Variants in SIK3 observed in about 807,000 individuals in gnomAD.
SIK3 encodes serine/threonine-protein kinase SIK3.
In SIK3, 28 loss-of-function variants were observed where a neutral mutation model predicts 144.2. The ratio of observed to expected loss-of-function variants is 0.19; its 90% CI spans 0.14 to 0.27. The LOEUF is 0.27. SIK3 is among the 10% of genes least tolerant of loss of function. The probability of loss-of-function intolerance (pLI) is 1.00; values close to 1 mark genes in which losing one functional copy is unlikely to be tolerated. For missense variants in SIK3, 1,319 were observed against 1,776.0 expected (o/e 0.74, Z 4.62); for synonymous variants, 686 against 676.3 (o/e 1.01, Z -0.22).
chr11:117,085,572 A>C (rs1954968915), intron 1 of SIK3, among the ~76,000 whole-genome samples: 1 of 152,252 alleles, frequency 6.6e-6, no homozygotes, highest in African/African-American at 2.4e-5. Flanking sequence ...GTATAAATGC[A>C]AGATTGGTCA....
intron 6 of SIK3, among the ~76,000 whole-genome samples, chr11:116,878,599 C>T (rs747503637): frequency 4.9e-4 from 74 of 152,168 alleles, no homozygotes; most frequent in Non-Finnish European, 1.3e-4. Flanking sequence ...AGGCTGGTCT[C>T]GAACAACTGA....
At chr11:117,073,727 T>C (rs1230616171) in intron 1 of SIK3, among the ~76,000 whole-genome samples, 1 of 152,216 alleles carries the variant, frequency 6.6e-6, no homozygotes, top group Non-Finnish European at 1.5e-5. Flanking sequence ...CACACGTCCT[T>C]GTCTCTCTAC....
rs569495104 is a variant in SIK3 at position 116,991,432 on chromosome 11, G to A, written c.274-34368C>T. ...ACTGCGCTCCAGTATGGGCAATAGA[G>A]CAAGGCGCTGTCTCAAAACAAACAA... On this transcript the variant is annotated intron_variant, in intron 1 of 24. Coordinates refer to ENST00000445177, the MANE Select transcript of SIK3 (RefSeq NM_001366686.3). 9.2e-5 allele frequency among the ~76,000 whole-genome samples: 14 copies of A among 152,282 alleles called. No homozygotes were observed. The South Asian group carries it at 1.5e-3, about 16-fold the overall frequency.
intron 3 of SIK3, among the ~76,000 whole-genome samples, chr11:116,947,330 A>C (rs1009744521): frequency 4.1e-5 from 6 of 144,630 alleles, no homozygotes; most frequent in Non-Finnish European, 8.9e-5. Context: ...CAGAGAAAGG[A>C]GGCCCAGCAA....
At chr11:116,855,465 C>T (rs149462130) in intron 21 of SIK3, 3,159 of 152,350 alleles carry the variant, frequency 0.021, 46 homozygotes, top group Non-Finnish European at 0.033. Context: ...AAGGGGTCCT[C>T]TGACAATCAG....
chr11:117,066,443 ATCTT>A (rs1954021165), intron 1 of SIK3, among the ~76,000 whole-genome samples: 1 of 151,904 alleles, frequency 6.6e-6, no homozygotes, highest in Non-Finnish European at 1.5e-5. Flanking sequence ...AAAAAAAAAA[ATCTT>A]TGCAAAGCGT....
intron 6 of SIK3, among the ~76,000 whole-genome samples, chr11:116,889,306 A>G (rs1487985462): frequency 6.6e-6 from 1 of 152,228 alleles, no homozygotes; most frequent in East Asian, 1.9e-4. Context: ...GCTTCTGCCC[A>G]TAATCCCAGC....
At chr11:116,929,046 G>A (rs567234839) in intron 3 of SIK3, among the ~76,000 whole-genome samples, 38 of 152,174 alleles carry the variant, frequency 2.5e-4, no homozygotes, top group Non-Finnish European at 3.8e-4. Flanking sequence ...TTAGGCTTCC[G>A]GTGAGGTCTG....
chr11:116,934,618 A>AT (rs1947803606), intron 3 of SIK3, among the ~76,000 whole-genome samples: 1 of 152,138 alleles, frequency 6.6e-6, no homozygotes, highest in Non-Finnish European at 1.5e-5. Flanking sequence ...AACTAGAACT[A>AT]TTTTTTTCTA....
In SIK3 at chr11:116,956,800, C is replaced by T. The variant is rs149004144; in HGVS notation, c.390+148G>A. On this transcript the variant is annotated intron_variant, in intron 2 of 24. Transcript: ENST00000445177. Reference sequence around the variant, plus strand: ...ACTTGAGGATACTAAGTGCTGAGCGCGTAAACAGAAGGGTAGGAAAGATAG... The same window carrying T: ...ACTTGAGGATACTAAGTGCTGAGCGTGTAAACAGAAGGGTAGGAAAGATAG... 8.6e-4 allele frequency: 423 copies of T among 489,542 alleles called. 4 individuals carry two copies. Among genetic ancestry groups the T allele is most frequent in the African/African-American group, 7.3e-3 (373 of 51,028 alleles). 30.3% of individuals were successfully genotyped at this position (489,542 alleles called of 1,614,324 possible).
At chr11:116,919,797 T>C (rs1274458929) in intron 4 of SIK3, among the ~76,000 whole-genome samples, 1 of 152,256 alleles carries the variant, frequency 6.6e-6, no homozygotes. Flanking sequence ...TCTTTATTTC[T>C]AAACATATCT....
intron 1 of SIK3, among the ~76,000 whole-genome samples, chr11:117,000,076 T>G (rs1950798698): frequency 6.6e-6 from 1 of 152,248 alleles, no homozygotes; most frequent in South Asian, 2.1e-4. Flanking sequence ...ATATTAGATA[T>G]GTATATTAGA....
intron 21 of SIK3, chr11:116,857,216 C>G (rs192240418): frequency 7.2e-5 from 11 of 153,770 alleles, no homozygotes; most frequent in African/African-American, 2.4e-4. Flanking sequence ...ATGCACTGAA[C>G]TCAAACATTT....
At chr11:116,897,036 A>G (rs2134770532) in intron 5 of SIK3, among the ~76,000 whole-genome samples, 157 bp downstream of exon 5, 1 of 152,140 alleles carries the variant, frequency 6.6e-6, no homozygotes, top group African/African-American at 2.4e-5. Flanking sequence ...CAAAAAAAAA[A>G]AAAAAAAAAG....
intron 1 of SIK3, among the ~76,000 whole-genome samples, chr11:117,032,674 CTTTTTT>C (rs11300316): frequency 7.2e-6 from 1 of 139,856 alleles, no homozygotes; most frequent in Non-Finnish European, 1.6e-5. Context: ...CCCACCTTTT[CTTTTTT>C]TTTTTTTTTT....
In SIK3 at chr11:117,056,550, T is replaced by C. The variant is rs1038864382; in HGVS notation, c.273+41593A>G. 1.7e-4 allele frequency among the ~76,000 whole-genome samples: 18 copies of C among 105,208 alleles called. 1 individual carries two copies. The highest frequency in any genetic ancestry group is 1.3e-3 in the Admixed American group (14 of 10,378). 69.0% of individuals were successfully genotyped at this position (105,208 alleles called of 152,430 possible). On this transcript the variant is annotated intron_variant, in intron 1 of 24. Coordinates refer to ENST00000445177, the MANE Select transcript of SIK3 (RefSeq NM_001366686.3). ...AAAAATATATAGATAGATATAGATATAGATATAGATATAGATATAGATATA... is the reference window on the plus strand; with the variant it reads ...AAAAATATATAGATAGATATAGATACAGATATAGATATAGATATAGATATA...
intron 1 of SIK3, among the ~76,000 whole-genome samples, chr11:117,052,398 G>T (rs1472746973): frequency 6.6e-6 from 1 of 152,142 alleles, no homozygotes; most frequent in Non-Finnish European, 1.5e-5. Flanking sequence ...GGCATGGTGG[G>T]GTGTTAAGGG....
chr11:116,919,604 A>G (rs1946850870), intron 4 of SIK3, among the ~76,000 whole-genome samples: 1 of 152,234 alleles, frequency 6.6e-6, no homozygotes, highest in Non-Finnish European at 1.5e-5. Flanking sequence ...ACTTTTCTTC[A>G]GGGAGTAAGC....
intron 1 of SIK3, among the ~76,000 whole-genome samples, chr11:117,044,043 T>C (rs1490793138): frequency 6.6e-6 from 1 of 152,224 alleles, no homozygotes; most frequent in Non-Finnish European, 1.5e-5. Flanking sequence ...GAATCGATGT[T>C]CCTGATGATG....
Sources: gnomAD v4.1 joint callset for allele counts (sites outside exome capture counted in the v4.1 genomes callset) on GRCh38, gnomAD v4.1.1 for gene constraint, MANE v1.5 for transcripts, NCBI Gene and HGNC (gene_info 2026-07-23, HGNC 2026-07-21) for gene names.